Variants in MGRN1 observed in about 807,000 individuals in gnomAD.
The protein encoded by MGRN1 is E3 ubiquitin-protein ligase MGRN1.
A neutral mutation model predicts 69.2 loss-of-function variants in MGRN1; 29 were observed. The observed-to-expected ratio is 0.42, with a 90% CI of 0.31 to 0.57. The LOEUF (loss-of-function observed/expected upper bound fraction) is 0.57. Among genes scored for constraint, MGRN1 ranks in the 20% least tolerant of loss-of-function variants. MGRN1 has a pLI of 0.15. For synonymous variants in MGRN1, 470 were observed against 344.2 expected (o/e 1.37, Z -4.04); for missense variants, 998 against 796.2 (o/e 1.25, Z -3.05).
chr16:4,629,732 C>T (rs1172001682), intron 1 of MGRN1, among the ~76,000 whole-genome samples: 5 of 143,684 alleles, frequency 3.5e-5, no homozygotes, highest in African/African-American at 5.4e-5. Context: ...AGCGAGACAC[C>T]GTCTCAAAAA....
chr16:4,689,050 T>C lies in MGRN1; in HGVS notation c.*142T>C. 1 of 1,154,144 alleles carries C rather than the reference T, an allele frequency of 8.7e-7. No individual in the cohort carries two copies. The highest frequency in any genetic ancestry group is 1.2e-6 in the Non-Finnish European group (1 of 846,490). 71.5% of individuals were successfully genotyped at this position (1,154,144 alleles called of 1,614,324 possible). On this transcript the variant is annotated 3_prime_UTR_variant, in exon 17 of 17. Transcript: ENST00000262370. ...TCCGAGGGGCCGTGGTGACTCTTGA[T>C]CAAAGAGCACAGTGAACTGTCCCTT...
chr16:4,677,160 T>A (rs1459632933), intron 10 of MGRN1: 1 of 265,574 alleles, frequency 3.8e-6, no homozygotes, highest in Admixed American at 5.1e-5. Context: ...TTGCTGTGTT[T>A]CCTGCCCGGG....
intron 12 of MGRN1, chr16:4,680,317 C>T (rs1307152858): frequency 1.8e-6 from 1 of 543,274 alleles, no homozygotes; most frequent in Non-Finnish European, 3.3e-6. Context: ...CCGCCGCCCT[C>T]CCCTCAGCTT....
At chr16:4,641,180 G>A (rs1184601619) in intron 1 of MGRN1, among the ~76,000 whole-genome samples, 1 of 152,294 alleles carries the variant, frequency 6.6e-6, no homozygotes, top group Non-Finnish European at 1.5e-5. Context: ...GCTCATGCAC[G>A]CACACACCAC....
intron 1 of MGRN1, among the ~76,000 whole-genome samples, chr16:4,631,027 G>C (rs1897976509): frequency 6.6e-6 from 1 of 151,614 alleles, no homozygotes; most frequent in African/African-American, 2.4e-5. Context: ...TCACCGTGTT[G>C]TCCAGGCTGG....
Position 4,681,601 on chromosome 16 carries a change from C to G in MGRN1, c.1183C>G (p.Leu395Val), listed in dbSNP as rs375493247. 1.8e-4 allele frequency: 297 copies of G among 1,613,458 alleles called. 1 individual carries two copies. The highest frequency in any genetic ancestry group is 2.4e-4 in the Non-Finnish European group (280 of 1,180,022). The change falls in exon 13 of 17, where the codon CTC becomes GTC. Residue 395 changes from leucine to valine, a missense_variant. Coordinates refer to ENST00000262370, the MANE Select transcript of MGRN1 (RefSeq NM_015246.4). ...GYEPISLLEA[L>V]NGLRAVSPAI... ...CGAGCCCATCTCGCTGCTCGAGGCG[C>G]TCAACGGCCTCCGGGCTGTCTCCCC... is the stretch of plus-strand genomic sequence containing the variant.
At position 4,682,837 on chromosome 16, in the gene MGRN1, C is replaced by A. The variant is rs373213729; in HGVS notation, c.1373C>A (p.Pro458Gln). ...TCTGTCCCCAGCACCCTACGGTCCC[C>A]GTCTTCCCCCATCCACGAAGAGGAT... ...SKAPDSTLRS[P>Q]SSPIHEEDEE... The change falls in exon 14 of 17, where the codon CCG becomes CAG. Residue 458 changes from proline to glutamine, a missense_variant. Physicochemically the swap from Pro to Gln is moderately conservative, Grantham distance 76. Coordinates refer to ENST00000262370, the MANE Select transcript of MGRN1 (RefSeq NM_015246.4). 6.3e-7 allele frequency: 1 copy of A among 1,593,446 alleles called. No individual in the cohort carries two copies. Among genetic ancestry groups the A allele is most frequent in the Non-Finnish European group, 8.6e-7 (1 of 1,165,960 alleles).
At chr16:4,650,526 A>G (rs1555450455) in intron 2 of MGRN1, 43 bp downstream of exon 2, 1 of 1,479,064 alleles carries the variant, frequency 6.8e-7, no homozygotes, top group African/African-American at 1.4e-5. Flanking sequence ...TGGGGGTGGG[A>G]GGCCCCTGTC....
rs1381407756 is a variant in MGRN1, at chr16:4,624,874, G to C, written c.-87G>C. On this transcript the variant is annotated 5_prime_UTR_variant, in exon 1 of 17. Transcript: ENST00000262370. ...CCGTGGACGAGCGTCCGTGCGGCCT[G>C]GTCCGGGCCATGTCCGCGTGAGGAC... 4 of 1,218,982 alleles carry C rather than the reference G, an allele frequency of 3.3e-6. No individual in the cohort carries two copies. Among genetic ancestry groups the C allele is most frequent in the Non-Finnish European group, 4.5e-6 (4 of 897,400 alleles). The allele number at this position is 1,218,982 out of a possible 1,614,324, so 75.5% of individuals were successfully genotyped here.
chr16:4,632,831 C>T (rs941111837), intron 1 of MGRN1, among the ~76,000 whole-genome samples: 11 of 152,114 alleles, frequency 7.2e-5, no homozygotes, highest in African/African-American at 2.7e-4. Context: ...ATTTGTAATC[C>T]CAGCACTTTG....
intron 7 of MGRN1, among the ~76,000 whole-genome samples, chr16:4,667,797 G>C (rs1016090194): frequency 3.3e-5 from 5 of 152,222 alleles, no homozygotes; most frequent in Admixed American, 1.3e-4. Flanking sequence ...GAGCTTTGCG[G>C]TTCCCTGTGT....
intron 8 of MGRN1, 102 bp downstream of exon 8, chr16:4,668,414 C>G: frequency 8.1e-7 from 1 of 1,227,904 alleles, no homozygotes. Flanking sequence ...TACACACGCA[C>G]ATATACTCAT....
At chr16:4,674,330 C>G (rs2079006262) in intron 10 of MGRN1, among the ~76,000 whole-genome samples, 1 of 151,856 alleles carries the variant, frequency 6.6e-6, no homozygotes, top group Non-Finnish European at 1.5e-5. Context: ...GCTCTGTCAC[C>G]CAGGCTGGAG....
chr16:4,681,664 T>C lies in MGRN1; in HGVS notation c.1246T>C (p.Tyr416His), dbSNP rs1458384985. Residue 416 changes from tyrosine (Y) to histidine (H), a missense_variant, in exon 13 of 17, where the codon TAT becomes CAT. Physicochemically the swap from Tyr to His is moderately conservative, Grantham distance 83. Coordinates refer to ENST00000262370, the MANE Select transcript of MGRN1 (RefSeq NM_015246.4). ...PSAPLYEEIT[Y>H]SGISDGLSQA... ...GGCCCCTCTTTATGAAGAAATCACC[T>C]ATTCAGGCATCTCGGACGGCCTGTC... is the stretch of plus-strand genomic sequence containing the variant. 6.2e-7 allele frequency: 1 copy of C among 1,613,452 alleles called. No homozygotes were observed. Among genetic ancestry groups the C allele is most frequent in the South Asian group, 1.1e-5 (1 of 91,084 alleles).
At chr16:4,629,686 C>T (rs1897895143) in intron 1 of MGRN1, among the ~76,000 whole-genome samples, 1 of 150,806 alleles carries the variant, frequency 6.6e-6, no homozygotes, top group South Asian at 2.1e-4. Flanking sequence ...TTGCAGTGAG[C>T]CTAGATCGCG....
intron 4 of MGRN1, among the ~76,000 whole-genome samples, chr16:4,656,938 C>T (rs186195321): frequency 6.6e-6 from 1 of 152,006 alleles, no homozygotes; most frequent in East Asian, 1.9e-4. Flanking sequence ...AACAAACCAA[C>T]TTAGCACCGA....
chr16:4,664,151 G>A lies in MGRN1; in HGVS notation c.562-558G>A, dbSNP rs1253799153. 9 of 160,112 alleles carry A rather than the reference G, an allele frequency of 5.6e-5. No individual in the cohort carries two copies. The South Asian group carries it at 6.6e-4, about 12-fold the overall frequency. 9.9% of individuals were successfully genotyped at this position (160,112 alleles called of 1,614,324 possible). ...CCCGGTGTCCGTCGCAAAGGAACGC[G>A]TGCACAGCGTGTGGATATCCACACA... On this transcript the variant is annotated intron_variant, in intron 5 of 16. Coordinates refer to ENST00000262370, the MANE Select transcript of MGRN1 (RefSeq NM_015246.4).
intron 8 of MGRN1, chr16:4,669,144 T>G (rs565756119): frequency 2.6e-5 from 4 of 152,292 alleles, no homozygotes; most frequent in South Asian, 2.1e-4. Context: ...TTGAAATAAC[T>G]GTGCAGGGGC....
chr16:4,650,611 G>A lies in MGRN1; in HGVS notation c.207+128G>A, dbSNP rs573589476. 7.0e-5 allele frequency: 51 copies of A among 730,148 alleles called. No homozygotes were observed. In the South Asian group the frequency reaches 1.0e-3, roughly 15 times the overall value. 45.2% of individuals were successfully genotyped at this position (730,148 alleles called of 1,614,324 possible). ...CCTAAAGGGGGCAGAGCTCCTGGCA[G>A]GATTCCAGTTGAGCTTGGGTGTGGG... On this transcript the variant is annotated intron_variant, in intron 2 of 16. Transcript: ENST00000262370.
Sources: allele counts gnomAD v4.1 joint callset (sites outside exome capture counted in the v4.1 genomes callset), GRCh38; gene constraint gnomAD v4.1.1; transcripts MANE v1.5; gene names NCBI Gene and HGNC (gene_info 2026-07-23, HGNC 2026-07-21).